KCNIP4: variants seen among roughly 807,000 people sequenced by gnomAD.
The protein encoded by KCNIP4 is Kv channel-interacting protein 4.
A neutral mutation model predicts 34.0 loss-of-function variants in KCNIP4; 12 were observed. The observed-to-expected ratio is 0.35, with a 90% CI of 0.23 to 0.57. The LOEUF (loss-of-function observed/expected upper bound fraction) is 0.57. Ranked by LOEUF, KCNIP4 falls within the 20% of genes least tolerant of loss-of-function variation. KCNIP4 has a pLI of 0.83. For missense variants in KCNIP4, 238 were observed against 311.7 expected (o/e 0.76, Z 1.78); for synonymous variants, 124 against 102.2 (o/e 1.21, Z -1.29).
At chr4:21,474,841 T>C (rs9685320) in intron 1 of KCNIP4, among the ~76,000 whole-genome samples, 7 of 148,278 alleles carry the variant, frequency 4.7e-5, no homozygotes, top group African/African-American at 1.7e-4. Context: ...CTAAAAATAA[T>C]AAAAAAAAAA....
chr4:21,682,172 C>A (rs116660667), intron 1 of KCNIP4, among the ~76,000 whole-genome samples: 2 of 152,134 alleles, frequency 1.3e-5, no homozygotes, highest in African/African-American at 4.8e-5. Flanking sequence ...AGATTACCTG[C>A]GTGAGCCACC....
At chr4:21,274,875 AATTTG>A (rs5856619) in intron 1 of KCNIP4, among the ~76,000 whole-genome samples, 39,730 of 151,714 alleles carry the variant, frequency 0.26, 5,277 homozygotes, top group South Asian at 0.35. Flanking sequence ...GAAGATTGTT[AATTTG>A]ATTTTTTTTC....
chr4:21,020,314 C>T (rs1360228968), intron 1 of KCNIP4, among the ~76,000 whole-genome samples: 4 of 152,276 alleles, frequency 2.6e-5, no homozygotes, highest in East Asian at 3.9e-4. Context: ...CACGTTTCTT[C>T]AATATCCACA....
At chr4:21,775,991 A>G (rs1303606965) in intron 1 of KCNIP4, among the ~76,000 whole-genome samples, 1 of 152,230 alleles carries the variant, frequency 6.6e-6, no homozygotes, top group Non-Finnish European at 1.5e-5. Context: ...CCAGGAGTTC[A>G]GTAGGCTTAA....
chr4:20,858,070 G>T (rs1034789916), intron 2 of KCNIP4, among the ~76,000 whole-genome samples: 2 of 151,746 alleles, frequency 1.3e-5, no homozygotes, highest in Non-Finnish European at 2.9e-5. Context: ...AATTAGGCGG[G>T]TGTTGTGGTG....
chr4:21,291,318 A>G (rs920799148), intron 1 of KCNIP4, among the ~76,000 whole-genome samples: 1 of 128,866 alleles, frequency 7.8e-6, no homozygotes, highest in East Asian at 2.8e-4. Context: ...GGAGTGTGCT[A>G]GAGTGTGCAC....
chr4:21,245,656 T>C (rs944750139), intron 1 of KCNIP4, among the ~76,000 whole-genome samples: 1 of 152,112 alleles, frequency 6.6e-6, no homozygotes, highest in Non-Finnish European at 1.5e-5. Context: ...AAGTGGAATA[T>C]GTCAGACCAG....
chr4:21,339,853 G>A (rs1201523879), intron 1 of KCNIP4, among the ~76,000 whole-genome samples: 1 of 152,080 alleles, frequency 6.6e-6, no homozygotes, highest in Admixed American at 6.6e-5. Flanking sequence ...TTACATAACT[G>A]GTGCTTACCA....
At chr4:21,559,909 G>T (rs958968165) in intron 1 of KCNIP4, among the ~76,000 whole-genome samples, 10 of 152,054 alleles carry the variant, frequency 6.6e-5, no homozygotes, top group African/African-American at 2.2e-4. Flanking sequence ...TAGTTCAGCA[G>T]TTTAATTACA....
chr4:20,857,467 T>A (rs1013584723), intron 2 of KCNIP4, among the ~76,000 whole-genome samples: 9 of 147,978 alleles, frequency 6.1e-5, no homozygotes, highest in Admixed American at 6.1e-4. Flanking sequence ...AGAGTGAGGT[T>A]TAATTGTTTA....
chr4:20,807,793 C>T (rs893367345), intron 3 of KCNIP4, among the ~76,000 whole-genome samples: 2 of 152,096 alleles, frequency 1.3e-5, no homozygotes, highest in Admixed American at 1.3e-4. Flanking sequence ...CAGACCATTA[C>T]GTGGGAGAGG....
chr4:21,524,605 T>A (rs1249402611), intron 1 of KCNIP4, among the ~76,000 whole-genome samples: 1 of 152,158 alleles, frequency 6.6e-6, no homozygotes, highest in Non-Finnish European at 1.5e-5. Context: ...ACTTATTCGT[T>A]CTTTAGGTTT....
chr4:21,742,699 C>T (rs566314702), intron 1 of KCNIP4, among the ~76,000 whole-genome samples: 1 of 152,088 alleles, frequency 6.6e-6, no homozygotes, highest in Non-Finnish European at 1.5e-5. Flanking sequence ...AGAAATACAA[C>T]AAGACTTAGT....
At chr4:20,877,645 A>G (rs954873891) in intron 2 of KCNIP4, among the ~76,000 whole-genome samples, 8 of 152,194 alleles carry the variant, frequency 5.3e-5, no homozygotes, top group Non-Finnish European at 1.5e-5. Flanking sequence ...TTAAAATGTG[A>G]TGACTATTTC....
At chr4:21,021,457 A>G (rs928472286) in intron 1 of KCNIP4, among the ~76,000 whole-genome samples, 7 of 152,190 alleles carry the variant, frequency 4.6e-5, no homozygotes, top group Admixed American at 4.6e-4. Flanking sequence ...TTTTAAAAGC[A>G]TTTTGACTCT....
At chr4:20,789,149 A>G (rs571119778) in intron 3 of KCNIP4, among the ~76,000 whole-genome samples, 1 of 152,272 alleles carries the variant, frequency 6.6e-6, no homozygotes, top group African/African-American at 2.4e-5. Context: ...AAAGAAAAAG[A>G]AAAGGAGCTT....
At chr4:21,754,723 G>A (rs1176796182) in intron 1 of KCNIP4, among the ~76,000 whole-genome samples, 1 of 152,144 alleles carries the variant, frequency 6.6e-6, no homozygotes, top group African/African-American at 2.4e-5. Flanking sequence ...AGGATGGGAT[G>A]AAGACACTGA....
At chr4:21,418,821 G>A (rs538157021) in intron 1 of KCNIP4, among the ~76,000 whole-genome samples, 1 of 152,192 alleles carries the variant, frequency 6.6e-6, no homozygotes, top group East Asian at 1.9e-4. Flanking sequence ...TTGCTCAGAA[G>A]GCTCCAATCA....
At chr4:21,116,138 A>C (rs1337985285) in intron 1 of KCNIP4, among the ~76,000 whole-genome samples, 15 of 152,196 alleles carry the variant, frequency 9.9e-5, no homozygotes, top group Admixed American at 9.2e-4. Context: ...GGCTTCGTCA[A>C]AGTCTATCTA....
Sources: allele counts gnomAD v4.1 joint callset (sites outside exome capture counted in the v4.1 genomes callset), GRCh38; gene constraint gnomAD v4.1.1; transcripts MANE v1.5; gene names NCBI Gene and HGNC (gene_info 2026-07-23, HGNC 2026-07-21).